Variants in ATP6V1B1 observed in about 807,000 individuals in gnomAD.
ATP6V1B1 encodes ATPase H+ transporting V1 subunit B1, also known as V-type proton ATPase subunit B, kidney isoform.
In ATP6V1B1, 41 loss-of-function variants were observed where a neutral mutation model predicts 62.1. The observed-to-expected ratio is 0.66, with a 90% CI of 0.51 to 0.86. The LOEUF (loss-of-function observed/expected upper bound fraction) is 0.86. ATP6V1B1 is among the 40% of genes least tolerant of loss of function. The pLI, the probability that ATP6V1B1 is intolerant of heterozygous loss-of-function variation, is 0.00. For synonymous variants in ATP6V1B1, 253 were observed against 273.4 expected, an observed-to-expected ratio of 0.93 and a Z score of 0.74; for missense variants, 651 against 697.5, an observed-to-expected ratio of 0.93 and a Z score of 0.75.
intron 1 of ATP6V1B1, chr2:70,942,058 A>C (rs1362069533): frequency 5.3e-6 from 6 of 1,139,834 alleles, no homozygotes; most frequent in Non-Finnish European, 6.5e-6. Flanking sequence ...TCAGAGCTTC[A>C]TGGGAAGACA....
chr2:70,944,415 C>G (rs6709529), intron 2 of ATP6V1B1, among the ~76,000 whole-genome samples: 25,478 of 151,866 alleles, frequency 0.17, 2,327 homozygotes, highest in South Asian at 0.27. Context: ...CTCCCTCAGC[C>G]TCCCACCCCA....
rs563768693 is a variant in ATP6V1B1 at position 70,963,759 on chromosome 2, G to A, written c.1143+105G>A. ...TGAATTAGGAGGGGCCAGCCAAAGC[G>A]AACCCCAAACAGGAGACAGCCACAG... On this transcript the variant is annotated intron_variant, in intron 11 of 13. Coordinates refer to ENST00000234396, the MANE Select transcript of ATP6V1B1 (RefSeq NM_001692.4). The surrounding 1 kb of genome is among the most constrained non-coding windows in gnomAD (Gnocchi z 4.3). The A allele has an allele frequency of 6.4e-5, 82 of 1,285,926 alleles. No individual in the cohort carries two copies. Among genetic ancestry groups the A allele is most frequent in the East Asian group, 3.9e-4 (16 of 40,792 alleles). 79.7% of individuals were successfully genotyped at this position (1,285,926 alleles called of 1,614,324 possible).
Position 70,964,763 on chromosome 2 carries a change from G to A in ATP6V1B1, c.1276G>A (p.Val426Met), listed in dbSNP as rs531239712. 214 of 1,613,992 alleles carry A rather than the reference G, an allele frequency of 1.3e-4. No individual in the cohort carries two copies. In the South Asian group the frequency reaches 2.1e-3, roughly 16 times the overall value. The change falls in exon 13 of 14, where the codon GTG (valine) becomes ATG (methionine). Residue 426 changes from valine to methionine, a missense_variant. Coordinates refer to ENST00000234396, the MANE Select transcript of ATP6V1B1 (RefSeq NM_001692.4). ...CGCCTGCTATGCCATCGGGAAGGAC[G>A]TGCAGGCCATGAAGGCAGTAGTTGG... ...LYACYAIGKD[V>M]QAMKAVVGEE...
intron 11 of ATP6V1B1, chr2:70,964,112 G>GTGT: frequency 6.4e-6 from 1 of 156,558 alleles, no homozygotes; most frequent in Non-Finnish European, 1.1e-5. Flanking sequence ...TGCTTGGCAG[G>GTGT]TATTTTTTTT....
intron 1 of ATP6V1B1, chr2:70,943,233 A>G: frequency 2.7e-6 from 1 of 369,410 alleles, no homozygotes; most frequent in Non-Finnish European, 5.3e-6. Context: ...GGGTGAATGG[A>G]GGGAAATGCA....
intron 2 of ATP6V1B1, among the ~76,000 whole-genome samples, chr2:70,951,326 C>G (rs544807714): frequency 6.6e-6 from 1 of 152,260 alleles, no homozygotes; most frequent in African/African-American, 2.4e-5. Context: ...TATATAACTA[C>G]AGTAGAGCTA....
Position 70,965,362 on chromosome 2 carries a change from G to T in ATP6V1B1, c.*241G>T, listed in dbSNP as rs879948243. On this transcript the variant is annotated 3_prime_UTR_variant, in exon 14 of 14. Transcript: ENST00000234396. ...ACTGAAGGTTGCGATGCCTTACTCTGACGGGAGCATCTGTATTTTTATGTT... is the reference window on the plus strand; with the variant it reads ...ACTGAAGGTTGCGATGCCTTACTCTTACGGGAGCATCTGTATTTTTATGTT... The T allele has an allele frequency of 3.7e-5, 22 of 593,036 alleles. No individual in the cohort carries two copies. The highest frequency in any genetic ancestry group is 6.0e-5 in the Admixed American group (2 of 33,400). 36.7% of individuals were successfully genotyped at this position (593,036 alleles called of 1,614,324 possible).
chr2:70,943,314 G>C, intron 1 of ATP6V1B1: 1 of 499,588 alleles, frequency 2.0e-6, no homozygotes, highest in Non-Finnish European at 3.7e-6. Context: ...AAAATGCTTG[G>C]AGTGAGAGAG....
At chr2:70,941,966 C>G (rs1680015359) in intron 1 of ATP6V1B1, 1 of 1,010,192 alleles carries the variant, frequency 9.9e-7, no homozygotes, top group Non-Finnish European at 1.2e-6. Flanking sequence ...GGAAGGAAAG[C>G]CAGCAGTGGG....
At chr2:70,954,420 T>C (rs1267792368) in intron 2 of ATP6V1B1, among the ~76,000 whole-genome samples, 1 of 152,238 alleles carries the variant, frequency 6.6e-6, no homozygotes, top group African/African-American at 2.4e-5. Flanking sequence ...CTTACTTTTA[T>C]GGTCAGAGAA....
chr2:70,960,820 G>A, intron 6 of ATP6V1B1, 101 bp from the exon 7 acceptor site: 2 of 917,702 alleles, frequency 2.2e-6, no homozygotes, highest in East Asian at 3.4e-5. Flanking sequence ...ACCTCTCTGG[G>A]CTTGGATCCC....
At chr2:70,938,989 T>TG (rs1428501376) in intron 1 of ATP6V1B1, among the ~76,000 whole-genome samples, 2 of 152,242 alleles carry the variant, frequency 1.3e-5, no homozygotes, top group African/African-American at 2.4e-5. Flanking sequence ...AGCAGGGTCT[T>TG]GGGCTGAAGA....
chr2:70,942,424 A>C, intron 1 of ATP6V1B1: 1 of 398,692 alleles, frequency 2.5e-6, no homozygotes, highest in Non-Finnish European at 4.4e-6. Flanking sequence ...TGATCTTCCT[A>C]GTCCAAGTCC....
chr2:70,948,577 G>T (rs1304740310), intron 2 of ATP6V1B1: 1 of 153,872 alleles, frequency 6.5e-6, no homozygotes, highest in Non-Finnish European at 1.5e-5. Context: ...GAGCCGGGAC[G>T]TGTGTTCCAC....
At position 70,941,618 on chromosome 2, in the gene ATP6V1B1, GC is replaced by G. The variant is rs1194175395; in HGVS notation, c.119-2038del. On this transcript the variant is annotated intron_variant, in intron 1 of 13. Transcript: ENST00000234396. ...TTATTTGCTCTGTATCCTTCTTTTA[GC>G]CTGTAGGCACTTCACATTTTCATTT... The G allele has an allele frequency of 7.2e-6, 6 of 828,358 alleles. No homozygotes were observed. The African/African-American group carries it at 1.1e-4, about 15-fold the overall frequency. The allele number at this position is 828,358 out of a possible 1,614,324, so 51.3% of individuals were successfully genotyped here.
chr2:70,947,549 C>A (rs1680212923), intron 2 of ATP6V1B1: 1 of 152,292 alleles, frequency 6.6e-6, no homozygotes, highest in South Asian at 2.1e-4. Context: ...CCACCAGACT[C>A]CATCCCCAAT....
chr2:70,941,368 T>C, intron 1 of ATP6V1B1: 1 of 985,658 alleles, frequency 1.0e-6, no homozygotes, highest in African/African-American at 1.7e-5. Flanking sequence ...ACTGCCCCTC[T>C]TTCTGTTCCA....
chr2:70,938,294 CGCAGG>C, intron 1 of ATP6V1B1, among the ~76,000 whole-genome samples: 1 of 152,104 alleles, frequency 6.6e-6, no homozygotes, highest in South Asian at 2.1e-4. Context: ...TGTGGACAGG[CGCAGG>C]GCTGGCAAGG....
In ATP6V1B1 at chr2:70,959,142, C is replaced by T; in HGVS notation, c.445+47C>T. 1 of 1,585,718 alleles carries T rather than the reference C, an allele frequency of 6.3e-7. No individual in the cohort carries two copies. The highest frequency in any genetic ancestry group is 2.2e-5 in the East Asian group (1 of 44,718). On this transcript the variant is annotated intron_variant, in intron 5 of 13. Coordinates refer to ENST00000234396, the MANE Select transcript of ATP6V1B1 (RefSeq NM_001692.4). This position sits in a 1 kb window ranked among gnomAD's most constrained non-coding sequence, Gnocchi z 4.2. ...ATGGCTTCGGGACCCAGCCCTAACA[C>T]CTTCCCCACTCTTGGAAGTTCTGCC...
Sources: gnomAD v4.1 joint callset for allele counts (sites outside exome capture counted in the v4.1 genomes callset) on GRCh38, gnomAD v4.1.1 for gene constraint, Gnocchi (gnomAD v3.1) non-coding constraint, MANE v1.5 for transcripts, NCBI Gene and HGNC (gene_info 2026-07-23, HGNC 2026-07-21) for gene names.